Variants in NACAD observed in about 807,000 individuals in gnomAD.
NACAD encodes the protein NAC-alpha domain-containing protein 1.
Under a neutral mutation model 98.9 loss-of-function variants are expected in NACAD, and 47 were observed. The observed-to-expected ratio is 0.48, with a 90% CI of 0.38 to 0.61. The LOEUF (loss-of-function observed/expected upper bound fraction) is 0.61, where lower values mean the gene tolerates loss of function less well. NACAD is among the 20% of genes least tolerant of loss of function. NACAD has a pLI of 0.00. For missense variants in NACAD, 1,412 were observed against 1,748.2 expected, an observed-to-expected ratio of 0.81 and a Z score of 3.43; for synonymous variants, 696 against 767.2, an observed-to-expected ratio of 0.91 and a Z score of 1.53.
Position 45,080,750 on chromosome 7 carries a change from C to T in NACAD, c.4564G>A (p.Gly1522Arg). 6.4e-7 allele frequency: 1 copy of T among 1,550,944 alleles called. No individual in the cohort carries two copies. The highest frequency in any genetic ancestry group is 1.2e-5 in the South Asian group (1 of 84,066). ...EEEEEEVDEA[G>R]LELRDIELVM... The stretch of plus-strand genomic sequence containing the variant: ...AGCTCAATGTCACGCAGTTCCAGCC[C>T]CGCCTCGTCCACCTGGAGTTGGGGG... Residue 1522 changes from glycine (G) to arginine (R), a missense_variant, in exon 7 of 8, where the codon GGG (glycine) becomes AGG (arginine). Coordinates refer to ENST00000490531, the MANE Select transcript of NACAD (RefSeq NM_001146334.2).
At chr7:45,086,789 T>C (rs1325591914) in intron 1 of NACAD, among the ~76,000 whole-genome samples, 7 of 152,208 alleles carry the variant, frequency 4.6e-5, no homozygotes, top group Non-Finnish European at 1.0e-4. Flanking sequence ...CGTGGAGGCT[T>C]TGCTGGAGCA....
In NACAD at chr7:45,086,122, T is replaced by G; in HGVS notation, c.68-10A>C. On this transcript the variant is annotated splice_polypyrimidine_tract_variant and intron_variant, in intron 1 of 7. Coordinates refer to ENST00000490531, the MANE Select transcript of NACAD (RefSeq NM_001146334.2). ...GCATCGCAGGACAGATCTGTGGAGA[T>G]AGAGAAGATCATGAGGTGCCCCTGG... 6.5e-7 allele frequency: 1 copy of G among 1,534,842 alleles called. No homozygotes were observed. The highest frequency in any genetic ancestry group is 1.2e-5 in the South Asian group (1 of 83,972).
chr7:45,080,946 A>T lies in NACAD; in HGVS notation c.4481T>A (p.Val1494Asp), dbSNP rs1190975490. 6.4e-7 allele frequency: 1 copy of T among 1,552,282 alleles called. No homozygotes were observed. The highest frequency in any genetic ancestry group is 8.7e-7 in the Non-Finnish European group (1 of 1,147,382). ...FKVPSEPSAL[V>D]PESAPRPRVR... ...CCGGGGCCTGGGTGCTGACTCAGGG[A>T]CCAAGGCTGAGGGCTCTGAGGGCAC... Residue 1494 changes from valine (V) to aspartate (D), a missense_variant, in exon 6 of 8, where the codon GTC becomes GAC. Coordinates refer to ENST00000490531, the MANE Select transcript of NACAD (RefSeq NM_001146334.2).
In NACAD at chr7:45,085,971, G is replaced by T; in HGVS notation, c.209C>A (p.Ala70Asp). ...KPGARPQPEG[A>D]SWDAGPGGAP... ...CCCACCAGGCCCTGCATCCCAGCTG[G>T]CTCCCTCGGGCTGGGGCCGGGCACC... The change falls in exon 2 of 8, where the codon GCC becomes GAC. Residue 70 changes from alanine (A) to aspartate (D), a missense_variant. Transcript: ENST00000490531. This position sits in a 1 kb window ranked among gnomAD's most constrained non-coding sequence, Gnocchi z 6.1. 1 of 1,536,730 alleles carries T rather than the reference G, an allele frequency of 6.5e-7. No individual in the cohort carries two copies. Among genetic ancestry groups the T allele is most frequent in the South Asian group, 1.2e-5 (1 of 82,936 alleles).
chr7:45,088,833 C>G lies in NACAD; in HGVS notation c.62G>C (p.Arg21Pro). 1 of 1,490,866 alleles carries G rather than the reference C, an allele frequency of 6.7e-7. No homozygotes were observed. The highest frequency in any genetic ancestry group is 8.9e-7 in the Non-Finnish European group (1 of 1,125,266). The allele number at this position is 1,490,866 out of a possible 1,614,324, so 92.4% of individuals were successfully genotyped here. The change falls in exon 1 of 8, where the codon CGC becomes CCC. Residue 21 changes from arginine to proline, a missense_variant. Transcript: ENST00000490531. The surrounding 1 kb of genome is among the most constrained non-coding windows in gnomAD (Gnocchi z 5.7). ...LLPEADRPGP[R>P]TDLSCDAAAA... ...AAGAGTGGCCACGGCCTCACCTGTG[C>G]GGGGCCCGGGTCGGTCCGCCTCGGG...
chr7:45,082,612 T>C lies in NACAD; in HGVS notation c.3568A>G (p.Ser1190Gly), dbSNP rs1008605369. Residue 1190 changes from serine (S) to glycine (G), a missense_variant, in exon 2 of 8, where the codon AGT becomes GGT. Transcript: ENST00000490531. The surrounding 1 kb of genome is among the most constrained non-coding windows in gnomAD (Gnocchi z 4.5). The part of the protein sequence containing the change: ...QQPEPVLGLG[S>G]VEQPHEVPSV... ...GGTACTTCGTGGGGTTGCTCAACAC[T>C]GCCCAGACCCAGTACAGGCTCCGGC... 6.5e-7 allele frequency: 1 copy of C among 1,530,520 alleles called. No homozygotes were observed. 94.8% of individuals were successfully genotyped at this position (1,530,520 alleles called of 1,614,324 possible).
Position 45,083,220 on chromosome 7 carries a change from G to A in NACAD, c.2960C>T (p.Pro987Leu). Reference sequence around the variant, plus strand: ...CAAGGCTGCAGGCTCCGGGACTGTAGGGAGGGCTGCATTCTTCTCCTCAGG... The same window carrying A: ...CAAGGCTGCAGGCTCCGGGACTGTAAGGAGGGCTGCATTCTTCTCCTCAGG... ...PAPEEKNAAL[P>L]TVPEPAALDQ... Residue 987 changes from proline (P) to leucine (L), a missense_variant, in exon 2 of 8, where the codon CCT becomes CTT. By Grantham distance (98) the Pro-to-Leu change is moderately conservative (BLOSUM62 -3). Coordinates refer to ENST00000490531, the MANE Select transcript of NACAD (RefSeq NM_001146334.2). 1 of 1,550,896 alleles carries A rather than the reference G, an allele frequency of 6.4e-7. No homozygotes were observed. Among genetic ancestry groups the A allele is most frequent in the Non-Finnish European group, 8.7e-7 (1 of 1,146,938 alleles).
chr7:45,085,247 T>A lies in NACAD; in HGVS notation c.933A>T (p.Leu311=), dbSNP rs1584012861. 6.4e-7 allele frequency: 1 copy of A among 1,551,052 alleles called. No individual in the cohort carries two copies. The highest frequency in any genetic ancestry group is 2.0e-5 in the Admixed American group (1 of 50,990). Residue 311 remains leucine (L), a synonymous_variant, in exon 2 of 8, where the codon CTA becomes CTT. Transcript: ENST00000490531. This position sits in a 1 kb window ranked among gnomAD's most constrained non-coding sequence, Gnocchi z 6.1. ...GAAAGATGAGGCTGCCCTGGAAGGG[T>A]AGGAGGGCTGCGGGGATCATTGGGT... The part of the protein sequence containing the change: ...ANDPMIPAAL[L]PFQGSLIFQV...
Position 45,084,962 on chromosome 7 carries a change from G to T in NACAD, c.1218C>A (p.Ser406Arg). 1 of 1,551,040 alleles carries T rather than the reference G, an allele frequency of 6.4e-7. No homozygotes were observed. ...AAGTGGCCTGGGCATGGGGCTCCCC[G>T]CTGTACAGCCTCTCATCATCTGCCT... ...YAEADDERLYSGEPHAQATLL... is the reference protein window; with the variant it reads ...YAEADDERLYRGEPHAQATLL... The change falls in exon 2 of 8, where the codon AGC (serine) becomes AGA (arginine). Residue 406 changes from serine to arginine, a missense_variant. By Grantham distance (110) the Ser-to-Arg change is moderately radical. Around this residue, in one of 5 missense-constraint regions of NACAD, gnomAD observed 638 missense variants for 722.7 expected, o/e 0.88. Coordinates refer to ENST00000490531, the MANE Select transcript of NACAD (RefSeq NM_001146334.2).
Position 45,081,642 on chromosome 7 carries a change from C to A in NACAD, c.4216G>T (p.Ala1406Ser). The change falls in exon 4 of 8, where the codon GCC (alanine) becomes TCC (serine). Residue 1406 changes from alanine to serine, a missense_variant. Transcript: ENST00000490531. ...TCACTGCGACTCTGCTTGGCTTTGG[C>A]GATGGTCTCCTCACTGCCGCCTGCT... ...APAGGSEETI[A>S]KAKQSRSEKK... 1 of 1,551,384 alleles carries A rather than the reference C, an allele frequency of 6.4e-7. No homozygotes were observed. The highest frequency in any genetic ancestry group is 2.0e-5 in the Admixed American group (1 of 50,998).
rs199865804 is a variant in NACAD, at chr7:45,085,869, G to A, written c.311C>T (p.Ala104Val). 4.7e-3 allele frequency: 7,280 copies of A among 1,547,202 alleles called. 23 individuals are homozygous for A. Among genetic ancestry groups the A allele is most frequent in the Non-Finnish European group, 5.5e-3 (6,339 of 1,145,830 alleles). ...MLLPEGLSSQ[A>V]LSTEAPLPAT... Reference sequence around the variant, plus strand: ...CGGGAGAGGAGCCTCCGTGGACAGAGCCTGGGAAGACAGGCCCTCAGGGAG... The same window carrying A: ...CGGGAGAGGAGCCTCCGTGGACAGAACCTGGGAAGACAGGCCCTCAGGGAG... The change falls in exon 2 of 8, where the codon GCT becomes GTT. Residue 104 changes from alanine to valine, a missense_variant. Physicochemically the swap from Ala to Val is moderately conservative, Grantham distance 64. Transcript: ENST00000490531. This position sits in a 1 kb window ranked among gnomAD's most constrained non-coding sequence, Gnocchi z 6.1.
chr7:45,087,056 C>T (rs902829623), intron 1 of NACAD, among the ~76,000 whole-genome samples: 6 of 152,170 alleles, frequency 3.9e-5, no homozygotes, highest in Admixed American at 1.3e-4. Context: ...ACTCAGTAAA[C>T]GTCTGTGAGC....
chr7:45,087,454 G>A (rs1426089029), intron 1 of NACAD, among the ~76,000 whole-genome samples: 3 of 152,238 alleles, frequency 2.0e-5, no homozygotes, highest in South Asian at 2.1e-4. Context: ...GTGGGGGAGC[G>A]GCGGCACACA....
At position 45,083,243 on chromosome 7, in the gene NACAD, A is replaced by C. The variant is rs1481252935; in HGVS notation, c.2937T>G (p.Pro979=). ...TAGGGAGGGCTGCATTCTTCTCCTCAGGTGCTGGCCTGGGGCCTAAGGCCT... is the reference window on the plus strand; with the variant it reads ...TAGGGAGGGCTGCATTCTTCTCCTCCGGTGCTGGCCTGGGGCCTAAGGCCT... ...VGEALGPRPA[P]EEKNAALPTV... is the part of the protein sequence containing the mutation. The change falls in exon 2 of 8, where the codon CCT becomes CCG. Residue 979 remains proline, a synonymous_variant. Transcript: ENST00000490531. 3.2e-6 allele frequency: 5 copies of C among 1,550,808 alleles called. No individual in the cohort carries two copies. The Admixed American group carries it at 9.8e-5, about 30-fold the overall frequency.
Position 45,083,001 on chromosome 7 carries a change from G to A in NACAD, c.3179C>T (p.Thr1060Ile), listed in dbSNP as rs1584010348. The A allele has an allele frequency of 1.3e-6, 2 of 1,550,962 alleles. No individual in the cohort carries two copies. Among genetic ancestry groups the A allele is most frequent in the South Asian group, 2.4e-5 (2 of 84,068 alleles). Reference protein sequence around the residue: ...REACLEARAHTGDGAKPDSPQ... With the variant: ...REACLEARAHIGDGAKPDSPQ... ...TGAGTCAGGCTTAGCCCCATCACCT[G>A]TGTGCGCTCGCGCTTCCAGACATGC... Residue 1060 changes from threonine to isoleucine, a missense_variant, in exon 2 of 8, where the codon ACA becomes ATA. This residue lies in a region of NACAD where 572 missense variants were observed against 639.6 expected (regional missense o/e 0.89). Coordinates refer to ENST00000490531, the MANE Select transcript of NACAD (RefSeq NM_001146334.2).
Position 45,085,429 on chromosome 7 carries a change from A to G in NACAD, c.751T>C (p.Trp251Arg), listed in dbSNP as rs745453363. 48 of 1,548,298 alleles carry G rather than the reference A, an allele frequency of 3.1e-5. No individual in the cohort carries two copies. The highest frequency in any genetic ancestry group is 3.9e-5 in the Non-Finnish European group (45 of 1,145,812). Residue 251 changes from tryptophan to arginine, a missense_variant, in exon 2 of 8, where the codon TGG becomes CGG. Physicochemically the swap from Trp to Arg is moderately radical, Grantham distance 101 (BLOSUM62 -3). This residue lies in a region of NACAD where 638 missense variants were observed against 722.7 expected (regional missense o/e 0.88). Coordinates refer to ENST00000490531, the MANE Select transcript of NACAD (RefSeq NM_001146334.2). The surrounding 1 kb of genome is among the most constrained non-coding windows in gnomAD (Gnocchi z 6.1). ...ATGGACCCCTGCGGGGACAGGCCCC[A>G]GCCTGAGGGGAAGTCCAGCCCTTCA... Reference protein sequence around the residue: ...PAEGLDFPSGWGLSPQGSMVD... With the variant: ...PAEGLDFPSGRGLSPQGSMVD...
Position 45,085,827 on chromosome 7 carries a change from C to A in NACAD, c.353G>T (p.Arg118Leu). The A allele has an allele frequency of 6.5e-7, 1 of 1,539,702 alleles. No homozygotes were observed. Among genetic ancestry groups the A allele is most frequent in the Non-Finnish European group, 8.8e-7 (1 of 1,141,696 alleles). Residue 118 changes from arginine (R) to leucine (L), a missense_variant, in exon 2 of 8, where the codon CGG becomes CTG. Physicochemically the swap from Arg to Leu is moderately radical, Grantham distance 102 (BLOSUM62 -2). Coordinates refer to ENST00000490531, the MANE Select transcript of NACAD (RefSeq NM_001146334.2). This position sits in a 1 kb window ranked among gnomAD's most constrained non-coding sequence, Gnocchi z 6.1. ...GCACGTCTCCTCTCCCATCACAATC[C>A]GGGGCTCCAGGGTGGCCGGGAGAGG... ...EAPLPATLEP[R>L]IVMGEETCQA...
rs564117429 is a variant in NACAD, at chr7:45,084,962, G to A, written c.1218C>T (p.Ser406=). 26 of 1,551,040 alleles carry A rather than the reference G, an allele frequency of 1.7e-5. No homozygotes were observed. The East Asian group carries it at 2.4e-4, about 15-fold the overall frequency. The change falls in exon 2 of 8, where the codon AGC becomes AGT. Residue 406 remains serine (S), a synonymous_variant. Transcript: ENST00000490531. ...YAEADDERLY[S]GEPHAQATLL... ...AAGTGGCCTGGGCATGGGGCTCCCC[G>A]CTGTACAGCCTCTCATCATCTGCCT...
In NACAD at chr7:45,086,043, G is replaced by A. The variant is rs1004890969; in HGVS notation, c.137C>T (p.Thr46Ile). 25 of 1,535,802 alleles carry A rather than the reference G, an allele frequency of 1.6e-5. No homozygotes were observed. In the East Asian group the frequency reaches 6.1e-4, roughly 38 times the overall value. Residue 46 changes from threonine (T) to isoleucine (I), a missense_variant, in exon 2 of 8, where the codon ACC becomes ATC. By Grantham distance (89) the Thr-to-Ile change is moderately conservative. Coordinates refer to ENST00000490531, the MANE Select transcript of NACAD (RefSeq NM_001146334.2). ...GAGGGCCAGGTGGCTGGGCCCTGGG[G>A]TCAGAGCACAGGGCTCCCGCCGGTC... ...GGDRREPCAL[T>I]PGPSHLALTF...
Sources: allele counts gnomAD v4.1 joint callset (sites outside exome capture counted in the v4.1 genomes callset), GRCh38; gene constraint gnomAD v4.1.1; regional missense constraint gnomAD v4.1.1; non-coding constraint Gnocchi (gnomAD v3.1); transcripts MANE v1.5; gene names NCBI Gene and HGNC (gene_info 2026-07-23, HGNC 2026-07-21).